Variants in RPS6KA6 observed in about 807,000 individuals in gnomAD.
The protein encoded by RPS6KA6 is ribosomal protein S6 kinase A6, also known as ribosomal protein S6 kinase alpha-6.
A neutral mutation model predicts 65.4 loss-of-function variants in RPS6KA6; 27 were observed. The ratio of observed to expected loss-of-function variants is 0.41; its 90% confidence interval spans 0.30 to 0.57. The LOEUF (loss-of-function observed/expected upper bound fraction) is 0.57. Ranked by LOEUF, RPS6KA6 falls within the 20% of genes least tolerant of loss-of-function variation. The pLI is 0.24. For synonymous variants in RPS6KA6, 190 were observed against 184.2 expected, an observed-to-expected ratio of 1.03 and a Z score of -0.26; for missense variants, 486 against 555.6, an observed-to-expected ratio of 0.87 and a Z score of 1.26.
intron 8 of RPS6KA6, among the ~76,000 whole-genome samples, chrX:84,128,112 A>C (rs2034828976): frequency 8.9e-6 from 1 of 112,000 alleles, no homozygotes; most frequent in African/African-American, 3.2e-5. Context: ...TGACAAACTC[A>C]GCAAAGTTGC....
At position 84,150,932 on chromosome X, in the gene RPS6KA6, T is replaced by C. The variant is rs756447032; in HGVS notation, c.259-2809A>G. Reference sequence around the variant, plus strand: ...ATAGAGAGGATATATATAGGATATATATATAGAGGATATATATAGGATATA... The same window carrying C: ...ATAGAGAGGATATATATAGGATATACATATAGAGGATATATATAGGATATA... On this transcript the variant is annotated intron_variant, in intron 3 of 21. Transcript: ENST00000262752. Among the ~76,000 whole-genome samples the C allele has an allele frequency of 4.8e-4, 46 of 96,251 alleles. 1 individual carries two copies. Among genetic ancestry groups the C allele is most frequent in the Non-Finnish European group, 6.9e-4 (34 of 48,982 alleles). The allele number at this position is 96,251 out of a possible 115,157, so 83.6% of individuals were successfully genotyped here.
At chrX:84,066,125 C>T (rs927978054) in intron 20 of RPS6KA6, among the ~76,000 whole-genome samples, 1 of 111,119 alleles carries the variant, frequency 9.0e-6, no homozygotes, top group Non-Finnish European at 1.9e-5. Flanking sequence ...AGGAGATTCC[C>T]TGGTGTGCCT....
chrX:84,097,930 T>A (rs761976830), intron 18 of RPS6KA6, 82 bp from the exon 19 acceptor site: 3 of 667,584 alleles, frequency 4.5e-6, no homozygotes, highest in South Asian at 3.4e-5. Context: ...CTTCTAATAA[T>A]CTCACAAAAG....
At chrX:84,089,556 C>T (rs1272592898) in intron 20 of RPS6KA6, among the ~76,000 whole-genome samples, 1 of 111,172 alleles carries the variant, frequency 9.0e-6, no homozygotes, top group Non-Finnish European at 1.9e-5. Context: ...ACTGAGACTC[C>T]TCACAGCTCT....
At chrX:84,106,848 C>A in intron 14 of RPS6KA6, 62 bp downstream of exon 14, 1 of 899,567 alleles carries the variant, frequency 1.1e-6, no homozygotes, top group East Asian at 3.3e-5. Flanking sequence ...ATTAAAAATA[C>A]ATCAGCAATA....
chrX:84,161,355 A>G (rs2035508676), intron 2 of RPS6KA6, among the ~76,000 whole-genome samples: 2 of 111,811 alleles, frequency 1.8e-5, no homozygotes, highest in Non-Finnish European at 1.9e-5. Context: ...CTGATGGTGC[A>G]GCATAACTCG....
chrX:84,155,917 T>G (rs1448288738), intron 3 of RPS6KA6, among the ~76,000 whole-genome samples, 158 bp downstream of exon 3: 4 of 111,931 alleles, frequency 3.6e-5, no homozygotes, highest in Admixed American at 9.5e-5. Flanking sequence ...GTAATAAAAG[T>G]ACAACAGAAA....
rs1294001915 is a variant in RPS6KA6 at position 84,059,442 on chromosome X, T to C, written c.*4835A>G. 9.0e-6 allele frequency: 1 copy of C among 111,630 alleles called. No homozygotes were observed. The highest frequency in any genetic ancestry group is 3.3e-5 in the African/African-American group (1 of 30,722). The allele number at this position is 111,630 out of a possible 1,213,427, so 9.2% of individuals were successfully genotyped here. On this transcript the variant is annotated 3_prime_UTR_variant, in exon 22 of 22. Transcript: ENST00000262752. ...CTGTGCCCGGCCGGCTGTTTCTTGA[T>C]AGACTGCTTTCCTGCTGTTAAAAAT...
At chrX:84,153,046 T>A (rs1206965293) in intron 3 of RPS6KA6, among the ~76,000 whole-genome samples, 1 of 111,468 alleles carries the variant, frequency 9.0e-6, no homozygotes, top group Non-Finnish European at 1.9e-5. Context: ...TATAAGAATA[T>A]TCAGTAACTG....
intron 20 of RPS6KA6, 62 bp downstream of exon 20, chrX:84,096,132 A>G (rs2034152388): frequency 4.2e-6 from 3 of 713,151 alleles, no homozygotes; most frequent in Non-Finnish European, 6.7e-6. Flanking sequence ...ACACTAAGCT[A>G]TAACTTAGGG....
At chrX:84,142,352 T>C (rs942022034) in intron 6 of RPS6KA6, among the ~76,000 whole-genome samples, 1 of 110,942 alleles carries the variant, frequency 9.0e-6, no homozygotes, top group Non-Finnish European at 1.9e-5. Flanking sequence ...ACTTGTGAGA[T>C]GACCCTAAAG....
intron 1 of RPS6KA6, among the ~76,000 whole-genome samples, chrX:84,182,030 TTC>T (rs1460140462): frequency 2.0e-4 from 12 of 58,563 alleles, no homozygotes; most frequent in Non-Finnish European, 3.4e-4. Context: ...CCTTCCCTCT[TTC>T]TCTGTCTCTC....
chrX:84,186,708 C>T (rs2035932871), intron 1 of RPS6KA6: 1 of 110,767 alleles, frequency 9.0e-6, no homozygotes, highest in African/African-American at 3.3e-5. Flanking sequence ...TTAAATGGAG[C>T]AAGTACTTGA....
intron 6 of RPS6KA6, among the ~76,000 whole-genome samples, chrX:84,135,425 G>A (rs893039684): frequency 1.8e-5 from 2 of 110,777 alleles, no homozygotes; most frequent in South Asian, 3.8e-4. Flanking sequence ...GTGTCTCTTC[G>A]ATATTAACCA....
rs1191737057 is a variant in RPS6KA6, at chrX:84,140,758, C to CATATATATATATATATATAT, written c.501+4719_501+4720insATATATATATATATATATAT. ...CAAAAAAAAAAAAAAAAAAAACATA[C>CATATATATATATATATATAT]ATATATATATATATAGTCAAACATG... On this transcript the variant is annotated intron_variant, in intron 6 of 21. Coordinates refer to ENST00000262752, the MANE Select transcript of RPS6KA6 (RefSeq NM_014496.5). 6.7e-4 allele frequency among the ~76,000 whole-genome samples: 53 copies of CATATATATATATATATATAT among 79,338 alleles called. 1 individual carries two copies. The highest frequency in any genetic ancestry group is 2.0e-3 in the African/African-American group (47 of 23,467). The allele number at this position is 79,338 out of a possible 115,157, so 68.9% of individuals were successfully genotyped here. A position where few individuals can be genotyped will look rare whatever the true frequency, so the allele number is the denominator to read the frequency against.
In RPS6KA6 at chrX:84,063,887, A is replaced by G. The variant is rs2033342764; in HGVS notation, c.*390T>C. ...CCTTCAGGATCTGATGTTTAAAAAT[A>G]CTAACATTGCTTGTCATTATACTAT... On this transcript the variant is annotated 3_prime_UTR_variant, in exon 22 of 22. Coordinates refer to ENST00000262752, the MANE Select transcript of RPS6KA6 (RefSeq NM_014496.5). 8.8e-6 allele frequency: 1 copy of G among 113,974 alleles called. No individual in the cohort carries two copies. Among genetic ancestry groups the G allele is most frequent in the African/African-American group, 3.2e-5 (1 of 30,908 alleles). 9.4% of individuals were successfully genotyped at this position (113,974 alleles called of 1,213,427 possible).
At chrX:84,179,517 T>G (rs987330383) in intron 1 of RPS6KA6, among the ~76,000 whole-genome samples, 1 of 111,864 alleles carries the variant, frequency 8.9e-6, no homozygotes, top group South Asian at 3.7e-4. Context: ...AAGAAAGAAC[T>G]ACTGATACAC....
rs776640455 is a variant in RPS6KA6 at position 84,114,518 on chromosome X, A to C, written c.1008+1711T>G. Among the ~76,000 whole-genome samples, 97 of 110,963 alleles carry C rather than the reference A, an allele frequency of 8.7e-4. 1 individual carries two copies. Among genetic ancestry groups the C allele is most frequent in the South Asian group, 8.4e-3 (22 of 2,606 alleles). ...AAACAAACAAACAAAACAACAACAA[A>C]AAAAAACATACTGACCAAAGCAATA... On this transcript the variant is annotated intron_variant, in intron 12 of 21. Coordinates refer to ENST00000262752, the MANE Select transcript of RPS6KA6 (RefSeq NM_014496.5).
intron 20 of RPS6KA6, among the ~76,000 whole-genome samples, chrX:84,091,181 G>A (rs1248971540): frequency 1.8e-5 from 2 of 111,975 alleles, no homozygotes; most frequent in African/African-American, 6.5e-5. Flanking sequence ...TATTAAAAGC[G>A]ACTTCAAGCC....
Sources: allele counts gnomAD v4.1 joint callset (sites outside exome capture counted in the v4.1 genomes callset), GRCh38; gene constraint gnomAD v4.1.1; transcripts MANE v1.5; gene names NCBI Gene and HGNC (gene_info 2026-07-23, HGNC 2026-07-21).